The following HECW1 variants were observed in gnomAD, a reference collection of about 807,000 sequenced individuals.
HECW1 encodes the protein HECT, C2 and WW domain containing E3 ubiquitin protein ligase 1.
HECW1 carries 61 observed loss-of-function variants against 182.3 expected under a neutral mutation model. The ratio of observed to expected loss-of-function variants is 0.33; its 90% CI spans 0.27 to 0.41. HECW1 has a LOEUF of 0.41. Among genes scored for constraint, HECW1 ranks in the 10% least tolerant of loss-of-function variants. HECW1 has a pLI of 1.00. For missense variants in HECW1, 1,739 were observed against 2,108.9 expected (o/e 0.82, Z 3.44); for synonymous variants, 859 against 832.6 (o/e 1.03, Z -0.55).
At chr7:43,249,083 C>T (rs1021042541) in intron 3 of HECW1, 2 of 152,306 alleles carry the variant, frequency 1.3e-5, no homozygotes, top group African/African-American at 4.8e-5. Context: ...AGTCTTCTTC[C>T]GGGATTGCTC....
At chr7:43,550,702 G>A in intron 27 of HECW1, 111 bp downstream of exon 27, 1 of 1,132,564 alleles carries the variant, frequency 8.8e-7, no homozygotes, top group East Asian at 2.6e-5. Context: ...AAAACAGAGA[G>A]GGAGAGCCAA....
At chr7:43,445,702 G>A in intron 11 of HECW1, 132 bp downstream of exon 11, 2 of 1,085,224 alleles carry the variant, frequency 1.8e-6, no homozygotes, top group South Asian at 1.7e-5. Flanking sequence ...TGCCTGTCTT[G>A]TATATACATG....
chr7:43,382,562 G>A (rs901579309), intron 6 of HECW1, among the ~76,000 whole-genome samples: 28 of 152,154 alleles, frequency 1.8e-4, no homozygotes, highest in Admixed American at 1.1e-3. Context: ...AAAAAATAAC[G>A]AGTTACTGCC....
chr7:43,488,434 G>GAAAGAA (rs1554440499), intron 17 of HECW1, among the ~76,000 whole-genome samples: 6,638 of 93,104 alleles, frequency 0.071, 542 homozygotes, highest in South Asian at 0.1. Context: ...AAGAAAGAAA[G>GAAAGAA]AGAAAGAAAG....
At chr7:43,199,427 A>G (rs775371208) in intron 2 of HECW1, among the ~76,000 whole-genome samples, 73 of 152,330 alleles carry the variant, frequency 4.8e-4, no homozygotes, top group Middle Eastern at 3.4e-3. Context: ...AATACATGTA[A>G]AGCTTTTCAT....
At chr7:43,395,703 A>T (rs1466745556) in intron 6 of HECW1, among the ~76,000 whole-genome samples, 6 of 152,198 alleles carry the variant, frequency 3.9e-5, no homozygotes, top group African/African-American at 1.2e-4. Context: ...TACAAGCAGC[A>T]GCCAAGCTCA....
In HECW1 at chr7:43,373,287, G is replaced by A. The variant is rs148482189; in HGVS notation, c.555+12307G>A. ...TGCAGTGGCTTGATCTGGGCTCACTGCAACCTCTGCCTCTTAGATTCAAGT... is the reference window on the plus strand; with the variant it reads ...TGCAGTGGCTTGATCTGGGCTCACTACAACCTCTGCCTCTTAGATTCAAGT... On this transcript the variant is annotated intron_variant, in intron 6 of 29. Transcript: ENST00000395891. Among the ~76,000 whole-genome samples, 379 of 146,010 alleles carry A rather than the reference G, an allele frequency of 2.6e-3. 4 individuals carry two copies. The highest frequency in any genetic ancestry group is 0.014 in the South Asian group (63 of 4,540).
At chr7:43,378,908 A>T (rs57720851) in intron 6 of HECW1, among the ~76,000 whole-genome samples, 1 of 152,124 alleles carries the variant, frequency 6.6e-6, no homozygotes, top group African/African-American at 2.4e-5. Context: ...CAAAATAAAA[A>T]ACCCTTTGCG....
intron 2 of HECW1, among the ~76,000 whole-genome samples, chr7:43,161,339 A>G (rs572908076): frequency 6.6e-6 from 1 of 152,272 alleles, no homozygotes; most frequent in South Asian, 2.1e-4. Context: ...TCTGAGAATG[A>G]GAAGAGCTGG....
chr7:43,198,060 C>CCA (rs374482624), intron 2 of HECW1, among the ~76,000 whole-genome samples: 285 of 151,340 alleles, frequency 1.9e-3, no homozygotes, highest in Middle Eastern at 0.014. Context: ...GTCACACACC[C>CCA]CACACACACA....
chr7:43,550,339 C>T (rs2081755888), intron 26 of HECW1, 106 bp from the exon 27 acceptor site: 3 of 1,194,590 alleles, frequency 2.5e-6, no homozygotes, highest in African/African-American at 1.5e-5. Flanking sequence ...CTGAATAATG[C>T]CCTGTAGAGG....
At chr7:43,152,321 C>T (rs1188458082) in intron 2 of HECW1, among the ~76,000 whole-genome samples, 1 of 152,158 alleles carries the variant, frequency 6.6e-6, no homozygotes, top group African/African-American at 2.4e-5. Context: ...AGTAATCTCA[C>T]AGGTAAGCCA....
chr7:43,457,891 G>C (rs1451441241), intron 13 of HECW1, among the ~76,000 whole-genome samples: 1 of 151,790 alleles, frequency 6.6e-6, no homozygotes, highest in Non-Finnish European at 1.5e-5. Flanking sequence ...TTTTTTCATT[G>C]CCTGAGCGTT....
chr7:43,382,023 C>T (rs2074572994), intron 6 of HECW1, among the ~76,000 whole-genome samples: 4 of 151,986 alleles, frequency 2.6e-5, no homozygotes, highest in African/African-American at 9.7e-5. Flanking sequence ...AAGCCCCTCA[C>T]GCCTGTAGTC....
intron 21 of HECW1, among the ~76,000 whole-genome samples, chr7:43,504,977 C>A (rs561970096): frequency 6.6e-6 from 1 of 152,208 alleles, no homozygotes; most frequent in Admixed American, 6.5e-5. Context: ...TCTCCGGCAG[C>A]GTGTAACATG....
chr7:43,147,966 G>A (rs1214504791), intron 2 of HECW1, among the ~76,000 whole-genome samples: 2 of 152,210 alleles, frequency 1.3e-5, no homozygotes, highest in Non-Finnish European at 2.9e-5. Flanking sequence ...GTGATAGTGG[G>A]CAATTTGCAA....
chr7:43,271,112 G>A (rs1008536836), intron 3 of HECW1, among the ~76,000 whole-genome samples: 3 of 152,142 alleles, frequency 2.0e-5, no homozygotes, highest in Non-Finnish European at 1.5e-5. Context: ...TGTGTTGTAT[G>A]TATATATATT....
intron 2 of HECW1, among the ~76,000 whole-genome samples, chr7:43,191,276 T>C (rs1318151316): frequency 6.6e-6 from 1 of 152,152 alleles, no homozygotes; most frequent in African/African-American, 2.4e-5. Context: ...TGAGCAAGAG[T>C]ACCCCCAGAC....
chr7:43,285,062 T>G (rs1804452984), intron 3 of HECW1, among the ~76,000 whole-genome samples: 1 of 152,090 alleles, frequency 6.6e-6, no homozygotes, highest in Non-Finnish European at 1.5e-5. Context: ...TATTAACTTA[T>G]TATAACTTTT....
Sources: allele counts gnomAD v4.1 joint callset (sites outside exome capture counted in the v4.1 genomes callset), GRCh38; gene constraint gnomAD v4.1.1; transcripts MANE v1.5; gene names NCBI Gene and HGNC (gene_info 2026-07-23, HGNC 2026-07-21).